FABP12: variants seen among roughly 807,000 people sequenced by gnomAD.
The protein encoded by FABP12 is fatty acid-binding protein 12.
In FABP12, 19 loss-of-function variants were observed where a neutral mutation model predicts 13.7. The ratio of observed to expected loss-of-function variants is 1.39; its 90% CI spans 0.97 to 2.04. The LOEUF is 2.04. Among genes scored for constraint, FABP12 ranks in the 30% most tolerant of loss-of-function variants. The pLI is 0.00. For missense variants in FABP12, 182 were observed against 164.2 expected, an observed-to-expected ratio of 1.11 and a Z score of -0.59; for synonymous variants, 61 against 57.0, an observed-to-expected ratio of 1.07 and a Z score of -0.32.
intron 1 of FABP12, among the ~76,000 whole-genome samples, chr8:81,539,935 A>G (rs1002020973): frequency 3.9e-5 from 6 of 152,218 alleles, no homozygotes; most frequent in Admixed American, 1.3e-4. Flanking sequence ...ATTGCAGAGT[A>G]GCAGTAACCT....
chr8:81,555,235 C>T (rs1023258575), intron 1 of FABP12, among the ~76,000 whole-genome samples: 2 of 152,152 alleles, frequency 1.3e-5, no homozygotes, highest in Non-Finnish European at 2.9e-5. Context: ...ATATATTTGA[C>T]TATTCTGTGC....
chr8:81,541,347 A>G (rs1395772340), intron 1 of FABP12, among the ~76,000 whole-genome samples: 1 of 152,212 alleles, frequency 6.6e-6, no homozygotes, highest in Non-Finnish European at 1.5e-5. Flanking sequence ...TTGTTTAAAC[A>G]TACAATAAAA....
intron 2 of FABP12, among the ~76,000 whole-genome samples, chr8:81,539,022 T>G (rs1285858052): frequency 6.6e-6 from 1 of 152,012 alleles, no homozygotes; most frequent in Non-Finnish European, 1.5e-5. Flanking sequence ...CTAATTTTTG[T>G]ATTTTTGATA....
chr8:81,553,460 G>C (rs111782735), intron 1 of FABP12, among the ~76,000 whole-genome samples: 1 of 152,056 alleles, frequency 6.6e-6, no homozygotes. Flanking sequence ...ATTTTCACTT[G>C]ATATGGTAAA....
chr8:81,529,580 C>T lies in FABP12; in HGVS notation c.104G>A (p.Arg35His), dbSNP rs377161218. 2.5e-5 allele frequency: 40 copies of T among 1,613,828 alleles called. No homozygotes were observed. Among genetic ancestry groups the T allele is most frequent in the African/African-American group, 1.2e-4 (9 of 75,006 alleles). ...GATGGTCACAGTGGGTTTTGCCAAA[C>T]GGCCCAGTTTCCTGCTGGCTCTTCC... Residue 35 changes from arginine (R) to histidine (H), a missense_variant, in exon 3 of 5, where the codon CGT becomes CAT. By Grantham distance (29) the Arg-to-His change is conservative. Coordinates refer to ENST00000360464, the Ensembl canonical transcript of FABP12.
intron 1 of FABP12, among the ~76,000 whole-genome samples, chr8:81,546,497 C>CAAA (rs544166796): frequency 1.2e-4 from 13 of 111,722 alleles, no homozygotes; most frequent in Admixed American, 4.6e-4. Context: ...ACTAAAAATA[C>CAAA]AAAAAAAAAA....
At chr8:81,553,824 G>T (rs943779956) in intron 1 of FABP12, among the ~76,000 whole-genome samples, 8 of 152,152 alleles carry the variant, frequency 5.3e-5, no homozygotes, top group Non-Finnish European at 1.2e-4. Context: ...TGTAGAGAAG[G>T]GGAAAAGGAG....
chr8:81,561,592 G>A (rs1809724855), intron 1 of FABP12, among the ~76,000 whole-genome samples: 1 of 152,220 alleles, frequency 6.6e-6, no homozygotes. Flanking sequence ...AGGAAAGACA[G>A]TCTTGAATCA....
At chr8:81,556,727 A>T (rs560197453) in intron 1 of FABP12, among the ~76,000 whole-genome samples, 14 of 147,414 alleles carry the variant, frequency 9.5e-5, no homozygotes, top group East Asian at 3.9e-4. Flanking sequence ...TATATATATA[A>T]AAATATATAA....
intron 1 of FABP12, among the ~76,000 whole-genome samples, chr8:81,556,730 A>C (rs1809622832): frequency 6.8e-6 from 1 of 147,326 alleles, no homozygotes; most frequent in Non-Finnish European, 1.5e-5. Flanking sequence ...ATATATAAAA[A>C]TATATAATTA....
chr8:81,539,112 G>A (rs896007010), intron 2 of FABP12, among the ~76,000 whole-genome samples: 1 of 152,126 alleles, frequency 6.6e-6, no homozygotes, highest in Non-Finnish European at 1.5e-5. Context: ...GCCTCCCAAT[G>A]TGCTGAGATT....
chr8:81,565,326 A>G (rs549465578), intron 1 of FABP12, among the ~76,000 whole-genome samples: 1 of 152,194 alleles, frequency 6.6e-6, no homozygotes, highest in African/African-American at 2.4e-5. Flanking sequence ...TCTGCATCAT[A>G]GACCAAATGC....
chr8:81,544,976 G>A (rs1199183293), intron 1 of FABP12, among the ~76,000 whole-genome samples: 4 of 152,212 alleles, frequency 2.6e-5, no homozygotes, highest in Non-Finnish European at 4.4e-5. Context: ...CAATGGCGTA[G>A]AGGCCAGGAA....
chr8:81,525,203 C>T, intron 4 of FABP12, 83 bp from the exon 5 acceptor site: 1 of 853,790 alleles, frequency 1.2e-6, no homozygotes, highest in Non-Finnish European at 1.9e-6. Context: ...GTACTATCCA[C>T]ACATACATTC....
At chr8:81,573,420 T>G (rs1029323008) in intron 1 of FABP12, among the ~76,000 whole-genome samples, 4 of 152,142 alleles carry the variant, frequency 2.6e-5, no homozygotes, top group Non-Finnish European at 5.9e-5. Flanking sequence ...TAGTCTTGCT[T>G]TTGGCTATGC....
rs531566816 is a variant in FABP12, at chr8:81,569,914, C to T, written c.-185+20139G>A. 5.9e-5 allele frequency among the ~76,000 whole-genome samples: 9 copies of T among 152,312 alleles called. No homozygotes were observed. In the East Asian group the frequency reaches 9.6e-4, roughly 16 times the overall value. On this transcript the variant is annotated intron_variant, in intron 1 of 5. Transcript: ENST00000692030. ...GCCTACTGGGCTCGTTCTGCCCGCT[C>T]GGCCTGGCAGGCTGCACTCAGTTCA...
intron 1 of FABP12, among the ~76,000 whole-genome samples, chr8:81,569,167 C>A (rs1809880536): frequency 6.6e-6 from 1 of 152,058 alleles, no homozygotes; most frequent in African/African-American, 2.4e-5. Flanking sequence ...ACCCCCTTAA[C>A]CCTGATGTAA....
chr8:81,566,719 A>T (rs1809829336), intron 1 of FABP12, among the ~76,000 whole-genome samples: 1 of 152,268 alleles, frequency 6.6e-6, no homozygotes, highest in African/African-American at 2.4e-5. Context: ...ATGGGAAAAA[A>T]CTGAAAGCTT....
intron 1 of FABP12, among the ~76,000 whole-genome samples, chr8:81,561,284 A>G (rs1294820470): frequency 2.0e-5 from 3 of 152,226 alleles, no homozygotes; most frequent in Non-Finnish European, 4.4e-5. Flanking sequence ...AATAATCTAT[A>G]TAATAGATTG....
Sources: allele counts gnomAD v4.1 joint callset (sites outside exome capture counted in the v4.1 genomes callset), GRCh38; gene constraint gnomAD v4.1.1; transcripts MANE v1.5; gene names NCBI Gene and HGNC (gene_info 2026-07-23, HGNC 2026-07-21).